Variants in CFAP47 observed in about 807,000 individuals in gnomAD.
CFAP47 encodes the protein cilia- and flagella-associated protein 47.
Under a neutral mutation model 148.1 loss-of-function variants are expected in CFAP47, and 29 were observed. The ratio of observed to expected loss-of-function variants is 0.20; its 90% CI spans 0.15 to 0.27. The LOEUF (loss-of-function observed/expected upper bound fraction) is 0.27. CFAP47 is among the 10% of genes least tolerant of loss of function. CFAP47 has a pLI of 1.00. For synonymous variants in CFAP47, 664 were observed against 577.3 expected (o/e 1.15, Z -2.15); for missense variants, 1,872 against 1,697.5 (o/e 1.10, Z -1.81).
At chrX:36,167,747 A>G (rs1420221715) in intron 39 of CFAP47, among the ~76,000 whole-genome samples, 1 of 111,739 alleles carries the variant, frequency 8.9e-6, no homozygotes, top group African/African-American at 3.3e-5. Context: ...TTTTTTGTTG[A>G]GCTTGAAAGG....
chrX:36,181,436 G>A (rs1165479612), intron 40 of CFAP47, among the ~76,000 whole-genome samples: 5 of 111,234 alleles, frequency 4.5e-5, no homozygotes, highest in Non-Finnish European at 9.4e-5. Flanking sequence ...TCCAGGAAAG[G>A]AAACCTTGGA....
chrX:36,368,322 A>G (rs1433248759), intron 62 of CFAP47, among the ~76,000 whole-genome samples: 5 of 111,845 alleles, frequency 4.5e-5, no homozygotes, highest in African/African-American at 1.3e-4. Flanking sequence ...AAATGGTAAG[A>G]GTGAATGGAG....
chrX:36,298,750 G>A (rs1484179345), intron 51 of CFAP47, among the ~76,000 whole-genome samples: 1 of 110,357 alleles, frequency 9.1e-6, no homozygotes, highest in Non-Finnish European at 1.9e-5. Flanking sequence ...GGATCTCTGT[G>A]TGGTATTTGC....
At chrX:36,145,033 C>T (rs1486393728) in intron 35 of CFAP47, 186 bp from the exon 36 acceptor site, 1 of 397,865 alleles carries the variant, frequency 2.5e-6, no homozygotes. Context: ...TGTGATTGTT[C>T]AGCCAATTCT....
intron 18 of CFAP47, among the ~76,000 whole-genome samples, chrX:35,996,959 TCTC>T (rs1390877080): frequency 8.9e-6 from 1 of 111,906 alleles, no homozygotes; most frequent in Non-Finnish European, 1.9e-5. Context: ...CTGCAACCAT[TCTC>T]CTGTTGTTTT....
At chrX:36,167,754 A>C (rs909262069) in intron 39 of CFAP47, among the ~76,000 whole-genome samples, 7 of 111,830 alleles carry the variant, frequency 6.3e-5, no homozygotes, top group Non-Finnish European at 1.1e-4. Flanking sequence ...TTGAGCTTGA[A>C]AGGAAGAAGG....
At chrX:36,044,960 G>T (rs892979771) in intron 25 of CFAP47, among the ~76,000 whole-genome samples, 2 of 112,142 alleles carry the variant, frequency 1.8e-5, no homozygotes, top group African/African-American at 6.5e-5. Context: ...GAATTGATCA[G>T]TTCTAATAGT....
chrX:36,217,199 T>C (rs1940167259), intron 45 of CFAP47, among the ~76,000 whole-genome samples: 1 of 111,940 alleles, frequency 8.9e-6, no homozygotes, highest in South Asian at 3.7e-4. Context: ...GCATGATCCT[T>C]CTTTGTGATA....
At chrX:36,113,459 G>T (rs894598183) in intron 33 of CFAP47, among the ~76,000 whole-genome samples, 1 of 111,793 alleles carries the variant, frequency 8.9e-6, no homozygotes, top group African/African-American at 3.3e-5. Flanking sequence ...GATGTCTGTT[G>T]TTAGTGTAAT....
intron 26 of CFAP47, among the ~76,000 whole-genome samples, chrX:36,050,356 A>G (rs1937514152): frequency 9.0e-6 from 1 of 111,718 alleles, no homozygotes. Flanking sequence ...GGAACTTTCT[A>G]GAGACTTGTT....
chrX:36,205,175 G>A (rs1192054773), intron 45 of CFAP47, 65 bp downstream of exon 45: 1 of 291,699 alleles, frequency 3.4e-6, no homozygotes, highest in African/African-American at 2.8e-5. Context: ...TCACTTCACA[G>A]TTGAGGCAAA....
chrX:36,298,297 A>T (rs1242577671), intron 51 of CFAP47, among the ~76,000 whole-genome samples: 4 of 104,266 alleles, frequency 3.8e-5, no homozygotes, highest in African/African-American at 1.4e-4. Context: ...TTCTCAGTAA[A>T]CTATCGCAAG....
intron 15 of CFAP47, among the ~76,000 whole-genome samples, chrX:35,987,212 C>G (rs1484820214): frequency 9.0e-6 from 1 of 111,582 alleles, no homozygotes; most frequent in Non-Finnish European, 1.9e-5. Flanking sequence ...CCACAGCTGC[C>G]TCTTTCCCCA....
At chrX:35,957,584 A>G (rs752422320) in intron 8 of CFAP47, among the ~76,000 whole-genome samples, 5 of 112,139 alleles carry the variant, frequency 4.5e-5, no homozygotes, top group Non-Finnish European at 7.5e-5. Context: ...TTTATACTAA[A>G]TGTTTTCTTT....
intron 30 of CFAP47, among the ~76,000 whole-genome samples, chrX:36,092,789 AAAATT>A (rs1938208804): frequency 1.8e-5 from 2 of 110,592 alleles, no homozygotes; most frequent in Admixed American, 9.7e-5. Flanking sequence ...TTTAAAATGA[AAAATT>A]AAATTATTAT....
At position 36,262,588 on chromosome X, in the gene CFAP47, A is replaced by G. The variant is rs781831037; in HGVS notation, c.7444+11144A>G. ...CTAAATCATACTCCATTGTGTGTATATACGCATTTTCTTTATTTATTCATC... is the reference window on the plus strand; with the variant it reads ...CTAAATCATACTCCATTGTGTGTATGTACGCATTTTCTTTATTTATTCATC... On this transcript the variant is annotated intron_variant, in intron 49 of 63. Coordinates refer to ENST00000378653, the MANE Select transcript of CFAP47 (RefSeq NM_001304548.2). 3.6e-5 allele frequency among the ~76,000 whole-genome samples: 4 copies of G among 112,338 alleles called. No individual in the cohort carries two copies. In the Admixed American group the frequency reaches 3.8e-4, roughly 11 times the overall value.
At chrX:35,929,725 T>C (rs1935797025) in intron 2 of CFAP47, among the ~76,000 whole-genome samples, 1 of 111,279 alleles carries the variant, frequency 9.0e-6, no homozygotes, top group Non-Finnish European at 1.9e-5. Context: ...TGAAGCTGGC[T>C]TGGTGGCTCA....
intron 30 of CFAP47, among the ~76,000 whole-genome samples, chrX:36,097,309 T>G (rs1337847536): frequency 9.0e-6 from 1 of 110,956 alleles, no homozygotes; most frequent in African/African-American, 3.3e-5. Flanking sequence ...AATCTGTGGG[T>G]TTTTTTGTGT....
At chrX:36,119,606 A>C (rs1354465398) in intron 33 of CFAP47, among the ~76,000 whole-genome samples, 2 of 111,444 alleles carry the variant, frequency 1.8e-5, no homozygotes, top group Non-Finnish European at 3.8e-5. Flanking sequence ...CATCCTCCTC[A>C]GTTTTTCAGA....
Sources: allele counts gnomAD v4.1 joint callset (sites outside exome capture counted in the v4.1 genomes callset), GRCh38; gene constraint gnomAD v4.1.1; transcripts MANE v1.5; gene names NCBI Gene and HGNC (gene_info 2026-07-23, HGNC 2026-07-21).